The following CLNK variants were observed in gnomAD, a reference collection of about 807,000 sequenced individuals.
The protein encoded by CLNK is cytokine dependent hematopoietic cell linker, also known as cytokine-dependent hematopoietic cell linker.
CLNK carries 74 observed loss-of-function variants against 68.6 expected under a neutral mutation model. The observed-to-expected ratio is 1.08, with a 90% CI of 0.89 to 1.31. CLNK has a LOEUF of 1.31. Ranked by LOEUF, CLNK falls within the 50% of genes most tolerant of loss-of-function variation. CLNK has a pLI of 0.00. For missense variants in CLNK, 553 were observed against 515.3 expected, an observed-to-expected ratio of 1.07 and a Z score of -0.71; for synonymous variants, 198 against 172.2, an observed-to-expected ratio of 1.15 and a Z score of -1.17.
chr4:10,680,512 T>A (rs1016525677), intron 1 of CLNK, among the ~76,000 whole-genome samples: 3 of 151,944 alleles, frequency 2.0e-5, no homozygotes, highest in African/African-American at 4.8e-5. Context: ...AAACTTAAAG[T>A]ATAATAATAA....
the CLNK span, among the ~76,000 whole-genome samples, chr4:10,702,021 C>A: frequency 3.9e-5 from 6 of 152,272 alleles, no homozygotes; most frequent in Non-Finnish European, 8.8e-5. Flanking sequence ...TGTGAAGACA[C>A]GAGAACCAAG....
intron 3 of CLNK, among the ~76,000 whole-genome samples, chr4:10,596,133 C>T (rs1721374372): frequency 6.6e-6 from 1 of 152,248 alleles, no homozygotes; most frequent in Admixed American, 6.5e-5. Context: ...TCAAGTGATT[C>T]TCCTGCCTCA....
intron 2 of CLNK, among the ~76,000 whole-genome samples, chr4:10,625,279 A>G (rs559031337): frequency 6.6e-6 from 1 of 152,224 alleles, no homozygotes; most frequent in African/African-American, 2.4e-5. Flanking sequence ...GCTGTCCGCC[A>G]CTCTGCAGAG....
intron 4 of CLNK, among the ~76,000 whole-genome samples, chr4:10,580,020 A>G (rs933870664): frequency 6.6e-6 from 1 of 152,074 alleles, no homozygotes; most frequent in African/African-American, 2.4e-5. Flanking sequence ...CCATCTCTGT[A>G]TGGGGGAGCT....
intron 2 of CLNK, among the ~76,000 whole-genome samples, chr4:10,617,868 G>T (rs1394289246): frequency 1.3e-5 from 2 of 152,148 alleles, no homozygotes; most frequent in Non-Finnish European, 2.9e-5. Flanking sequence ...TTTCATCCTG[G>T]GCTGTAGGGA....
chr4:10,690,760 C>T, the CLNK span, among the ~76,000 whole-genome samples: 977 of 152,266 alleles, frequency 6.4e-3, 9 homozygotes, highest in Non-Finnish European at 0.011. Flanking sequence ...CAAGTTCTCA[C>T]AACACTGGTG....
chr4:10,517,234 A>G (rs1258200959), intron 15 of CLNK, among the ~76,000 whole-genome samples: 1 of 152,182 alleles, frequency 6.6e-6, no homozygotes, highest in Non-Finnish European at 1.5e-5. Context: ...ACAACTTCCA[A>G]GAAAAAGAAA....
chr4:10,606,968 G>A (rs986466287), intron 2 of CLNK, among the ~76,000 whole-genome samples: 2 of 152,146 alleles, frequency 1.3e-5, no homozygotes, highest in African/African-American at 2.4e-5. Context: ...TGATTTAATC[G>A]TCACAACTTC....
intron 8 of CLNK, among the ~76,000 whole-genome samples, chr4:10,553,025 C>A (rs1719521106): frequency 6.7e-6 from 1 of 149,210 alleles, no homozygotes; most frequent in African/African-American, 2.5e-5. Context: ...CTGTTCATCG[C>A]TCCCCCAGGG....
rs541348473 is a variant in CLNK, at chr4:10,603,831, C to G, written c.12-5782G>C. Among the ~76,000 whole-genome samples, 231 of 152,324 alleles carry G rather than the reference C, an allele frequency of 1.5e-3. 1 individual carries two copies. Among genetic ancestry groups the G allele is most frequent in the Non-Finnish European group, 2.4e-3 (162 of 68,030 alleles). On this transcript the variant is annotated intron_variant, in intron 2 of 18. Coordinates refer to ENST00000226951, the MANE Select transcript of CLNK (RefSeq NM_052964.4). ...TCCCAAAAAAGGTTAAGAGAGAGAC[C>G]TGGATGGAGACTCACAGAGTGTAGT...
intron 3 of CLNK, among the ~76,000 whole-genome samples, chr4:10,592,692 G>GTTGTTTGT (rs201603478): frequency 6.6e-6 from 1 of 151,428 alleles, no homozygotes; most frequent in Non-Finnish European, 1.5e-5. Context: ...GCATCTACTT[G>GTTGTTTGT]TTGTTTGTTT....
chr4:10,657,609 C>T (rs1724035350), intron 2 of CLNK, among the ~76,000 whole-genome samples: 1 of 152,170 alleles, frequency 6.6e-6, no homozygotes, highest in South Asian at 2.1e-4. Flanking sequence ...AGAAGATGAA[C>T]TGGATGTATA....
chr4:10,531,675 A>G, intron 12 of CLNK: 16 of 454,772 alleles, frequency 3.5e-5, no homozygotes, highest in South Asian at 2.5e-4. Flanking sequence ...CCCTGACCTC[A>G]GGTGATCCGC....
upstream of CLNK, among the ~76,000 whole-genome samples, chr4:10,687,841 C>T (rs1271082679): frequency 2.6e-5 from 4 of 152,158 alleles, no homozygotes; most frequent in Admixed American, 2.6e-4. Flanking sequence ...GTGTTCATTG[C>T]TTCACGAGTT....
intron 1 of CLNK, among the ~76,000 whole-genome samples, chr4:10,673,636 G>T (rs1724751833): frequency 6.6e-6 from 1 of 151,850 alleles, no homozygotes; most frequent in African/African-American, 2.4e-5. Context: ...TATGGACACA[G>T]GGAGGGGAAC....
chr4:10,598,920 C>T (rs1413690275), intron 2 of CLNK, among the ~76,000 whole-genome samples: 1 of 152,206 alleles, frequency 6.6e-6, no homozygotes, highest in African/African-American at 2.4e-5. Context: ...TGGACTTTCT[C>T]TGCTCCCTCC....
chr4:10,657,322 G>C (rs930160666), intron 2 of CLNK, among the ~76,000 whole-genome samples: 1 of 152,166 alleles, frequency 6.6e-6, no homozygotes, highest in Admixed American at 6.5e-5. Context: ...CTTGTTAGGG[G>C]TGAGGAGTTG....
upstream of CLNK, chr4:10,685,205 C>G (rs578145270): frequency 7.9e-5 from 12 of 152,286 alleles, no homozygotes; most frequent in East Asian, 2.3e-3. Context: ...GGAGAAATGC[C>G]TGCCTCTTAT....
chr4:10,570,518 C>T (rs1720302178), intron 5 of CLNK, among the ~76,000 whole-genome samples: 1 of 152,150 alleles, frequency 6.6e-6, no homozygotes, highest in Non-Finnish European at 1.5e-5. Flanking sequence ...GTTCAATATT[C>T]TTTACCCATG....
Sources: allele counts gnomAD v4.1 joint callset (sites outside exome capture counted in the v4.1 genomes callset), GRCh38; gene constraint gnomAD v4.1.1; transcripts MANE v1.5; gene names NCBI Gene and HGNC (gene_info 2026-07-23, HGNC 2026-07-21).